CCDC83: variants seen among roughly 807,000 people sequenced by gnomAD.
The protein encoded by CCDC83 is coiled-coil domain-containing protein 83.
In CCDC83, 54 loss-of-function variants were observed where a neutral mutation model predicts 50.1. That is an observed-to-expected ratio of 1.08 (90% CI 0.87 to 1.35). The LOEUF is 1.35. Ranked by LOEUF, CCDC83 falls within the 40% of genes most tolerant of loss-of-function variation. The pLI is 0.00. For synonymous variants in CCDC83, 161 were observed against 153.3 expected, an observed-to-expected ratio of 1.05 and a Z score of -0.37; for missense variants, 518 against 473.9, an observed-to-expected ratio of 1.09 and a Z score of -0.86.
At chr11:85,892,077 C>G (rs1445508) in intron 5 of CCDC83, among the ~76,000 whole-genome samples, 40,131 of 152,028 alleles carry the variant, frequency 0.26, 5,673 homozygotes, top group Middle Eastern at 0.29. Context: ...GCTATGTGAC[C>G]CCAGAAGTCA....
chr11:85,914,278 G>T (rs1362309982), intron 8 of CCDC83, among the ~76,000 whole-genome samples: 2 of 152,216 alleles, frequency 1.3e-5, no homozygotes, highest in Non-Finnish European at 2.9e-5. Flanking sequence ...AGCGTGAAGG[G>T]TTGTTTGCAC....
intron 8 of CCDC83, among the ~76,000 whole-genome samples, chr11:85,911,796 G>A (rs1216609332): frequency 6.6e-6 from 1 of 152,180 alleles, no homozygotes; most frequent in Non-Finnish European, 1.5e-5. Context: ...GTTTCATGGA[G>A]GTGATCTGGG....
intron 1 of CCDC83, among the ~76,000 whole-genome samples, chr11:85,863,127 A>T (rs1056296781): frequency 1.3e-5 from 2 of 152,248 alleles, no homozygotes; most frequent in Admixed American, 6.5e-5. Flanking sequence ...TCTCTTCCAT[A>T]TGACTTAGAA....
intron 7 of CCDC83, among the ~76,000 whole-genome samples, chr11:85,908,606 GAT>G (rs1237374226): frequency 3.0e-5 from 4 of 133,318 alleles, no homozygotes; most frequent in Non-Finnish European, 6.5e-5. Flanking sequence ...TAGATAGATA[GAT>G]AGACAGATAG....
At chr11:85,887,137 CATGAG>C (rs111983384) in intron 5 of CCDC83, among the ~76,000 whole-genome samples, 16 of 152,230 alleles carry the variant, frequency 1.1e-4, no homozygotes, top group African/African-American at 3.9e-4. Flanking sequence ...GGGGAACAAA[CATGAG>C]ATGAGAAGTG....
intron 7 of CCDC83, among the ~76,000 whole-genome samples, chr11:85,907,512 G>A (rs909272711): frequency 2.0e-5 from 3 of 152,236 alleles, no homozygotes; most frequent in Non-Finnish European, 4.4e-5. Context: ...ATTTTAATCA[G>A]GATCCTAGGT....
chr11:85,905,385 T>G (rs1009308957), intron 7 of CCDC83, among the ~76,000 whole-genome samples: 1 of 144,700 alleles, frequency 6.9e-6, no homozygotes, highest in Non-Finnish European at 1.5e-5. Flanking sequence ...AAGTTTGCAG[T>G]GAGCCGAGAT....
intron 4 of CCDC83, among the ~76,000 whole-genome samples, chr11:85,885,512 T>C (rs2135045960): frequency 6.6e-6 from 1 of 152,350 alleles, no homozygotes; most frequent in Non-Finnish European, 1.5e-5. Context: ...TTTTCAAAAA[T>C]ATTCAGCAAC....
chr11:85,882,468 G>A (rs199999154), intron 3 of CCDC83, 45 bp from the exon 4 acceptor site: 57 of 1,595,582 alleles, frequency 3.6e-5, no homozygotes, highest in Non-Finnish European at 4.8e-5. Context: ...GAAACATAGT[G>A]TACATAGTTG....
intron 1 of CCDC83, among the ~76,000 whole-genome samples, chr11:85,859,176 A>AAC (rs200356528): frequency 0.011 from 1,659 of 149,072 alleles, 16 homozygotes; most frequent in African/African-American, 0.024. Flanking sequence ...AAAAAAAAAA[A>AAC]AAAACCCCTA....
At chr11:85,864,842 A>G (rs566643592) in intron 1 of CCDC83, among the ~76,000 whole-genome samples, 2 of 152,218 alleles carry the variant, frequency 1.3e-5, no homozygotes, top group Admixed American at 1.3e-4. Flanking sequence ...GATGAATAAC[A>G]TAAGAGAGGG....
At chr11:85,889,945 A>T (rs2093344328) in intron 5 of CCDC83, among the ~76,000 whole-genome samples, 1 of 152,354 alleles carries the variant, frequency 6.6e-6, no homozygotes, top group South Asian at 2.1e-4. Context: ...CGCACCTTTG[A>T]TCATCGAATT....
intron 7 of CCDC83, among the ~76,000 whole-genome samples, chr11:85,908,606 GATAGACAGATAGAA>G (rs2093437137): frequency 3.0e-5 from 4 of 133,318 alleles, no homozygotes; most frequent in Admixed American, 7.7e-5. Context: ...TAGATAGATA[GATAGACAGATAGAA>G]TTCATGGCCG....
At chr11:85,912,563 AT>A in intron 8 of CCDC83, 1 of 778,746 alleles carries the variant, frequency 1.3e-6, no homozygotes, top group South Asian at 1.4e-5. Context: ...TCTTGAGCTG[AT>A]GCCCTAGAGG....
At chr11:85,882,117 C>T (rs527921838) in intron 3 of CCDC83, among the ~76,000 whole-genome samples, 1 of 150,608 alleles carries the variant, frequency 6.6e-6, no homozygotes, top group South Asian at 2.1e-4. Context: ...ATAGCAAGAC[C>T]TCATCTCTAA....
chr11:85,881,728 G>T (rs2093301568), intron 3 of CCDC83, among the ~76,000 whole-genome samples: 1 of 152,138 alleles, frequency 6.6e-6, no homozygotes, highest in South Asian at 2.1e-4. Context: ...CCAGATTTTG[G>T]ATATTCTAAT....
chr11:85,901,174 C>G (rs1011207430), intron 7 of CCDC83, among the ~76,000 whole-genome samples: 3 of 151,988 alleles, frequency 2.0e-5, no homozygotes, highest in Non-Finnish European at 4.4e-5. Context: ...TGAGACCAGC[C>G]TAGGCAACAT....
chr11:85,892,857 G>C (rs1164586362), intron 5 of CCDC83, among the ~76,000 whole-genome samples: 1 of 152,226 alleles, frequency 6.6e-6, no homozygotes, highest in African/African-American at 2.4e-5. Context: ...AACGCAGGCT[G>C]TATAAACAGG....
At chr11:85,903,798 C>T (rs2093412983) in intron 7 of CCDC83, among the ~76,000 whole-genome samples, 1 of 151,986 alleles carries the variant, frequency 6.6e-6, no homozygotes. Flanking sequence ...TTCCATTTCT[C>T]CTTCACACTG....
Sources: gnomAD v4.1 joint callset for allele counts (sites outside exome capture counted in the v4.1 genomes callset) on GRCh38, gnomAD v4.1.1 for gene constraint, MANE v1.5 for transcripts, NCBI Gene and HGNC (gene_info 2026-07-23, HGNC 2026-07-21) for gene names.